The following LGR6 variants were observed in gnomAD, a reference collection of about 807,000 sequenced individuals.
LGR6 encodes leucine-rich repeat-containing G protein-coupled receptor 6.
LGR6 carries 45 observed loss-of-function variants against 69.4 expected under a neutral mutation model. The observed-to-expected ratio is 0.65, with a 90% CI of 0.51 to 0.83. LGR6 has a LOEUF of 0.83. Ranked by LOEUF, LGR6 falls within the 40% of genes least tolerant of loss-of-function variation. The pLI is 0.00. For synonymous variants in LGR6, 538 were observed against 555.0 expected (o/e 0.97, Z 0.43); for missense variants, 1,108 against 1,246.7 (o/e 0.89, Z 1.68).
chr1:202,294,592 C>A (rs1667014665), intron 6 of LGR6, among the ~76,000 whole-genome samples: 1 of 152,186 alleles, frequency 6.6e-6, no homozygotes, highest in African/African-American at 2.4e-5. Context: ...TGGCCCTCAT[C>A]ATTCAAGAGT....
intron 3 of LGR6, among the ~76,000 whole-genome samples, chr1:202,228,810 G>A (rs1444056993): frequency 6.6e-6 from 1 of 152,196 alleles, no homozygotes; most frequent in Non-Finnish European, 1.5e-5. Flanking sequence ...ACAGGGTCTG[G>A]TTTGGGAAGA....
At chr1:202,267,050 C>CA (rs1664727220) in intron 4 of LGR6, among the ~76,000 whole-genome samples, 1 of 152,164 alleles carries the variant, frequency 6.6e-6, no homozygotes, top group South Asian at 2.1e-4. Context: ...AGAACTGTGC[C>CA]ATCCAGTATG....
chr1:202,305,350 C>T (rs1653073657), intron 11 of LGR6, among the ~76,000 whole-genome samples: 1 of 152,212 alleles, frequency 6.6e-6, no homozygotes, highest in Non-Finnish European at 1.5e-5. Context: ...GTTGGCATTG[C>T]TCAGTGAGGT....
chr1:202,203,796 A>G (rs889925222), intron 1 of LGR6: 4 of 1,613,822 alleles, frequency 2.5e-6, no homozygotes, highest in African/African-American at 1.3e-5. Flanking sequence ...GTTGTGGTGC[A>G]AAGGAAAACC....
intron 6 of LGR6, among the ~76,000 whole-genome samples, chr1:202,292,167 G>T (rs1666842375): frequency 6.6e-6 from 1 of 152,174 alleles, no homozygotes. Flanking sequence ...GCCCATTAAG[G>T]GATTTGGATT....
chr1:202,225,576 G>A (rs1660482993), intron 2 of LGR6, 82 bp downstream of exon 2: 1 of 1,272,968 alleles, frequency 7.9e-7, no homozygotes, highest in Non-Finnish European at 1.1e-6. Context: ...AGGAGGTGGG[G>A]TGGAGAGAAG....
intron 1 of LGR6, among the ~76,000 whole-genome samples, chr1:202,219,746 G>T (rs554451018): frequency 6.5e-4 from 99 of 152,230 alleles, no homozygotes; most frequent in Non-Finnish European, 1.2e-3. Flanking sequence ...GATGACTAAG[G>T]TTAAGTCCTT....
chr1:202,280,875 A>G (rs1412491133), intron 6 of LGR6, 23 bp downstream of exon 6: 1 of 1,603,780 alleles, frequency 6.2e-7, no homozygotes, highest in African/African-American at 1.3e-5. Context: ...GTCTTGGTCA[A>G]ACTCTGTCCT....
Position 202,318,461 on chromosome 1 carries a change from T to G in LGR6, c.2158T>G (p.Tyr720Asp). Residue 720 changes from tyrosine (Y) to aspartate (D), a missense_variant, in exon 18 of 18, where the codon TAC (tyrosine) becomes GAC (aspartate). By Grantham distance (160) the Tyr-to-Asp change is radical. Transcript: ENST00000367278. ...CGGGGCCTCCCCACTCTGCCTGCCC[T>G]ACGCGCCACCTGAGGGTCAGCCAGC... ...EYGASPLCLPYAPPEGQPAAL... is the reference protein window; with the variant it reads ...EYGASPLCLPDAPPEGQPAAL... 6.2e-7 allele frequency: 1 copy of G among 1,613,404 alleles called. No homozygotes were observed. The highest frequency in any genetic ancestry group is 8.5e-7 in the Non-Finnish European group (1 of 1,179,882).
intron 3 of LGR6, among the ~76,000 whole-genome samples, chr1:202,234,130 A>G (rs1035322353): frequency 1.3e-5 from 2 of 152,240 alleles, no homozygotes; most frequent in Non-Finnish European, 2.9e-5. Flanking sequence ...AGGAACACAG[A>G]GTTTGCATGG....
intron 4 of LGR6, among the ~76,000 whole-genome samples, chr1:202,244,842 A>C (rs1662515191): frequency 1.3e-5 from 2 of 152,198 alleles, no homozygotes; most frequent in East Asian, 3.9e-4. Flanking sequence ...AGCTGAGGCT[A>C]GAGTCAGGAA....
Position 202,303,212 on chromosome 1 carries a change from G to A in LGR6, c.930-67G>A, listed in dbSNP as rs1375161960. On this transcript the variant is annotated intron_variant, in intron 9 of 17. Coordinates refer to ENST00000367278, the MANE Select transcript of LGR6 (RefSeq NM_001017403.2). ...AGTCCCGGAGGGGAGACAAAATGGA[G>A]AATTGAGAGTCTTGATGTTGAGATG... The A allele has an allele frequency of 7.5e-6, 9 of 1,198,798 alleles. No individual in the cohort carries two copies. In the East Asian group the frequency reaches 2.1e-4, roughly 28 times the overall value. The allele number at this position is 1,198,798 out of a possible 1,614,324, so 74.3% of individuals were successfully genotyped here.
At chr1:202,205,179 A>G (rs1011833065) in intron 1 of LGR6, among the ~76,000 whole-genome samples, 1 of 4,190 alleles carries the variant, frequency 2.4e-4, no homozygotes, top group Non-Finnish European at 8.0e-4. Context: ...ACTTCCTTCA[A>G]ACACACACCC....
chr1:202,293,832 C>T (rs1666962552), intron 6 of LGR6, among the ~76,000 whole-genome samples: 1 of 152,214 alleles, frequency 6.6e-6, no homozygotes, highest in Non-Finnish European at 1.5e-5. Context: ...CAAAAATAGA[C>T]TTGTAGTTCA....
At chr1:202,277,878 G>C (rs1240379181) in intron 5 of LGR6, among the ~76,000 whole-genome samples, 8 of 151,784 alleles carry the variant, frequency 5.3e-5, no homozygotes, top group African/African-American at 2.4e-5. Context: ...CCTGGGCCTG[G>C]AAAGATGATG....
intron 4 of LGR6, among the ~76,000 whole-genome samples, chr1:202,239,354 T>TG (rs1160084168): frequency 1.9e-5 from 1 of 52,796 alleles, no homozygotes; most frequent in Non-Finnish European, 4.7e-5. Context: ...GGTGTGTGTG[T>TG]GTGTGTGTGT....
intron 10 of LGR6, among the ~76,000 whole-genome samples, 199 bp from the exon 11 acceptor site, chr1:202,304,360 A>T (rs1022608311): frequency 3.3e-5 from 5 of 151,986 alleles, no homozygotes; most frequent in Non-Finnish European, 7.4e-5. Flanking sequence ...TCTAGGCCCA[A>T]GGGAGCTTGG....
chr1:202,275,295 C>T (rs1427657823), intron 4 of LGR6, among the ~76,000 whole-genome samples: 1 of 152,192 alleles, frequency 6.6e-6, no homozygotes, highest in Non-Finnish European at 1.5e-5. Flanking sequence ...GTCAGTTTGT[C>T]TGGTCCCTGT....
intron 1 of LGR6, chr1:202,203,900 C>T (rs781490557): frequency 1.2e-5 from 18 of 1,562,736 alleles, no homozygotes; most frequent in East Asian, 2.2e-5. Flanking sequence ...GAAGCAAGAT[C>T]CTCCTTGGGG....
Sources: allele counts gnomAD v4.1 joint callset (sites outside exome capture counted in the v4.1 genomes callset), GRCh38; gene constraint gnomAD v4.1.1; transcripts MANE v1.5; gene names NCBI Gene and HGNC (gene_info 2026-07-23, HGNC 2026-07-21).